Variants in RPN1 observed in about 807,000 individuals in gnomAD.
RPN1 encodes the protein dolichyl-diphosphooligosaccharide--protein glycosyltransferase subunit 1.
RPN1 carries 12 observed loss-of-function variants against 55.5 expected under a neutral mutation model. The observed-to-expected ratio is 0.22, with a 90% CI of 0.14 to 0.35. RPN1 has a LOEUF of 0.35. Ranked by LOEUF, RPN1 falls within the 10% of genes least tolerant of loss-of-function variation. The pLI is 1.00. For missense variants in RPN1, 679 were observed against 761.3 expected, an observed-to-expected ratio of 0.89 and a Z score of 1.27; for synonymous variants, 317 against 305.9, an observed-to-expected ratio of 1.04 and a Z score of -0.38.
At chr3:128,643,820 G>A (rs765416628) in intron 2 of RPN1, among the ~76,000 whole-genome samples, 20 of 151,596 alleles carry the variant, frequency 1.3e-4, no homozygotes, top group Non-Finnish European at 1.8e-4. Flanking sequence ...AAAATTAGCC[G>A]GGCATGGTGG....
At chr3:128,622,876 G>A (rs1260299479) in intron 8 of RPN1, among the ~76,000 whole-genome samples, 7 of 144,788 alleles carry the variant, frequency 4.8e-5, no homozygotes, top group Non-Finnish European at 7.5e-5. Context: ...CAGCCTGGGC[G>A]ACAGAGCGAA....
In RPN1 at chr3:128,620,600, G is replaced by A. The variant is rs367565492; in HGVS notation, c.1642-7C>T. The A allele has an allele frequency of 2.0e-5, 33 of 1,611,966 alleles. No homozygotes were observed. Among genetic ancestry groups the A allele is most frequent in the South Asian group, 5.5e-5 (5 of 90,802 alleles). On this transcript the variant is annotated splice_region_variant and splice_polypyrimidine_tract_variant and intron_variant, in intron 9 of 9. Transcript: ENST00000296255. Reference sequence around the variant, plus strand: ...GCTTCTGCATTTCGCTCACCTGGCCGAGGCAAGAGCAGGGCAGGACTTGTG... The same window carrying A: ...GCTTCTGCATTTCGCTCACCTGGCCAAGGCAAGAGCAGGGCAGGACTTGTG...
intron 1 of RPN1, among the ~76,000 whole-genome samples, chr3:128,646,128 CAGG>C (rs2069765795): frequency 7.0e-6 from 1 of 143,262 alleles, no homozygotes; most frequent in Non-Finnish European, 1.5e-5. Context: ...GAGGCTGAGG[CAGG>C]AGAATTTCGT....
rs764851801 is a variant in RPN1, at chr3:128,636,374, T to C, written c.633+1425A>G. Among the ~76,000 whole-genome samples the C allele has an allele frequency of 3.3e-5, 5 of 151,718 alleles. No individual in the cohort carries two copies. In the South Asian group the frequency reaches 8.3e-4, roughly 25 times the overall value. The stretch of plus-strand genomic sequence containing the variant: ...TACTCAGGAGGCTGAGGTAGGAGAA[T>C]TGCTTGAACCCAGGAGGCAGAGGTT... On this transcript the variant is annotated intron_variant, in intron 3 of 9. Coordinates refer to ENST00000296255, the MANE Select transcript of RPN1 (RefSeq NM_002950.4).
chr3:128,624,340 C>T (rs2069582791), intron 8 of RPN1, among the ~76,000 whole-genome samples: 1 of 151,984 alleles, frequency 6.6e-6, no homozygotes, highest in African/African-American at 2.4e-5. Context: ...ATTAGCCGGG[C>T]GTGGTGGCAC....
intron 2 of RPN1, among the ~76,000 whole-genome samples, chr3:128,639,285 T>C (rs771426294): frequency 3.4e-4 from 51 of 151,612 alleles, no homozygotes; most frequent in Non-Finnish European, 6.8e-4. Flanking sequence ...AGCCCATCTC[T>C]ACTAAAAATA....
rs537017115 is a variant in RPN1, at chr3:128,625,529, G to A, written c.1395+5C>T. On this transcript the variant is annotated splice_donor_5th_base_variant and intron_variant, in intron 8 of 9. Coordinates refer to ENST00000296255, the MANE Select transcript of RPN1 (RefSeq NM_002950.4). ...TGACAAGCAGGAAGAAGGCAGAGAC[G>A]GTACCTTGGTGATGGAGAAGTCCAG... The A allele has an allele frequency of 2.7e-5, 44 of 1,613,984 alleles. No homozygotes were observed. Among genetic ancestry groups the A allele is most frequent in the East Asian group, 1.3e-4 (6 of 44,856 alleles).
At chr3:128,631,038 G>C (rs150453731) in intron 4 of RPN1, among the ~76,000 whole-genome samples, 35 of 151,648 alleles carry the variant, frequency 2.3e-4, no homozygotes, top group South Asian at 2.3e-3. Flanking sequence ...GCATGAACCC[G>C]GGAGGCAGAG....
intron 1 of RPN1, among the ~76,000 whole-genome samples, chr3:128,649,202 G>A (rs1482228354): frequency 1.3e-5 from 2 of 152,066 alleles, no homozygotes; most frequent in African/African-American, 4.8e-5. Context: ...GCAGTTTTTT[G>A]TATACCAATT....
chr3:128,625,505 G>T, intron 8 of RPN1, 29 bp downstream of exon 8: 1 of 1,613,932 alleles, frequency 6.2e-7, no homozygotes, highest in Non-Finnish European at 8.5e-7. Context: ...GGACACAAAT[G>T]ACAAGCAGGA....
intron 1 of RPN1, among the ~76,000 whole-genome samples, chr3:128,648,560 CAA>C (rs538184863): frequency 1.4e-5 from 2 of 140,230 alleles, no homozygotes; most frequent in Non-Finnish European, 1.6e-5. Flanking sequence ...AACTCCGTCT[CAA>C]AAAAAAAAAG....
chr3:128,631,656 C>T (rs978742311), intron 4 of RPN1, among the ~76,000 whole-genome samples: 2 of 152,046 alleles, frequency 1.3e-5, no homozygotes, highest in Admixed American at 6.5e-5. Context: ...GCAGAAGAAT[C>T]ACTTGAACCC....
At chr3:128,637,663 A>T in intron 3 of RPN1, 136 bp downstream of exon 3, 2 of 860,588 alleles carry the variant, frequency 2.3e-6, no homozygotes, top group Non-Finnish European at 3.6e-6. Flanking sequence ...ACTGCAGGTT[A>T]AACACTTTTG....
intron 1 of RPN1, among the ~76,000 whole-genome samples, chr3:128,647,907 G>C (rs760013846): frequency 3.9e-5 from 6 of 152,076 alleles, no homozygotes; most frequent in Non-Finnish European, 8.8e-5. Context: ...CTGGCTCCTA[G>C]TCAGTAACCA....
In RPN1 at chr3:128,630,476, G is replaced by C. The variant is rs577824381; in HGVS notation, c.844-333C>G. On this transcript the variant is annotated intron_variant, in intron 4 of 9. Coordinates refer to ENST00000296255, the MANE Select transcript of RPN1 (RefSeq NM_002950.4). ...AGAAAAGTAAAGATAGAAGACGGAA[G>C]AAATTTCATCAAATTACTAGGTGGT... Among the ~76,000 whole-genome samples, 16 of 152,270 alleles carry C rather than the reference G, an allele frequency of 1.1e-4. No individual in the cohort carries two copies. In the East Asian group the frequency reaches 2.9e-3, roughly 28 times the overall value.
chr3:128,645,049 A>G (rs1296400726), intron 1 of RPN1, 66 bp from the exon 2 acceptor site: 1 of 912,400 alleles, frequency 1.1e-6, no homozygotes, highest in African/African-American at 1.6e-5. Flanking sequence ...TCAATAATTA[A>G]CCAAGTGCTT....
Position 128,620,237 on chromosome 3 carries a change from A to T in RPN1, c.*174T>A. On this transcript the variant is annotated 3_prime_UTR_variant, in exon 10 of 10. Transcript: ENST00000296255. ...TTAAAAAAAAAAAAAAAGAAAGTTA[A>T]GGACAAACGGCAAACTCACACTGCC... The T allele has an allele frequency of 4.8e-6, 2 of 416,654 alleles. No homozygotes were observed. The highest frequency in any genetic ancestry group is 8.3e-6 in the Non-Finnish European group (2 of 241,674). The allele number at this position is 416,654 out of a possible 1,614,324, so 25.8% of individuals were successfully genotyped here. A position where few individuals can be genotyped will look rare whatever the true frequency, so the allele number is the denominator to read the frequency against.
At chr3:128,627,496 G>A (rs1226653698) in intron 5 of RPN1, among the ~76,000 whole-genome samples, 3 of 152,156 alleles carry the variant, frequency 2.0e-5, no homozygotes, top group Non-Finnish European at 2.9e-5. Context: ...ATGATCAACA[G>A]ACAGTGGCTC....
intron 5 of RPN1, 78 bp from the exon 6 acceptor site, chr3:128,626,910 A>T: frequency 7.6e-7 from 1 of 1,323,266 alleles, no homozygotes. Flanking sequence ...ACAGGGGCTC[A>T]CATAAAGACA....
Sources: allele counts gnomAD v4.1 joint callset (sites outside exome capture counted in the v4.1 genomes callset), GRCh38; gene constraint gnomAD v4.1.1; transcripts MANE v1.5; gene names NCBI Gene and HGNC (gene_info 2026-07-23, HGNC 2026-07-21).